Variants in AGTPBP1 observed in about 807,000 individuals in gnomAD.
AGTPBP1 encodes cytosolic carboxypeptidase 1.
In AGTPBP1, 70 loss-of-function variants were observed where a neutral mutation model predicts 143.9. That is an observed-to-expected ratio of 0.49 (90% CI 0.40 to 0.59). The LOEUF is 0.59. Ranked by LOEUF, AGTPBP1 falls within the 20% of genes least tolerant of loss-of-function variation. The pLI, the probability that AGTPBP1 is intolerant of heterozygous loss-of-function variation, is 0.00. For missense variants in AGTPBP1, 1,229 were observed against 1,464.5 expected (o/e 0.84, Z 2.62); for synonymous variants, 463 against 500.2 (o/e 0.93, Z 0.99).
intron 4 of AGTPBP1, among the ~76,000 whole-genome samples, chr9:85,679,769 G>C (rs1442660901): frequency 6.6e-6 from 1 of 151,988 alleles, no homozygotes; most frequent in African/African-American, 2.4e-5. Flanking sequence ...CTTTTCCTCA[G>C]TTTTCCAAGT....
chr9:85,804,853 G>A, the AGTPBP1 span, among the ~76,000 whole-genome samples: 2 of 152,294 alleles, frequency 1.3e-5, no homozygotes, highest in Admixed American at 1.3e-4. Context: ...TTGACTTGCA[G>A]GACCATCCCT....
At chr9:85,620,161 G>A (rs1389039725) in intron 15 of AGTPBP1, among the ~76,000 whole-genome samples, 1 of 151,574 alleles carries the variant, frequency 6.6e-6, no homozygotes, top group Non-Finnish European at 1.5e-5. Context: ...TTGTAATCCC[G>A]GTACTTTGAG....
At chr9:85,763,890 T>C in the AGTPBP1 span, among the ~76,000 whole-genome samples, 417 of 152,294 alleles carry the variant, frequency 2.7e-3, no homozygotes, top group African/African-American at 9.7e-3. Flanking sequence ...TATATACAAA[T>C]AATTACTGTG....
At chr9:85,638,092 C>T (rs1175620630) in intron 13 of AGTPBP1, among the ~76,000 whole-genome samples, 7 of 150,660 alleles carry the variant, frequency 4.6e-5, no homozygotes, top group Non-Finnish European at 7.4e-5. Context: ...ACCCACTTGA[C>T]GTTACTGCTT....
rs146598781 is a variant in AGTPBP1, at chr9:85,657,439, G to A, written c.905C>T (p.Ser302Leu). 1.1e-5 allele frequency: 18 copies of A among 1,606,330 alleles called. No individual in the cohort carries two copies. The highest frequency in any genetic ancestry group is 1.4e-5 in the Non-Finnish European group (16 of 1,176,122). ...ANGMKILYNT[S>L]QECLAVRTLD... ...AATAAGAAGAAAATAACTCACTTGCGAAGTATTATACAGAATTTTCATCCC... is the reference window on the plus strand; with the variant it reads ...AATAAGAAGAAAATAACTCACTTGCAAAGTATTATACAGAATTTTCATCCC... The change falls in exon 10 of 26, where the codon TCG becomes TTG. Residue 302 changes from serine (S) to leucine (L), a missense_variant. Ser to Leu is a moderately radical substitution (Grantham distance 145). Coordinates refer to ENST00000357081, the MANE Select transcript of AGTPBP1 (RefSeq NM_001330701.2).
chr9:85,703,456 C>T (rs1428707757), intron 2 of AGTPBP1, among the ~76,000 whole-genome samples: 1 of 152,188 alleles, frequency 6.6e-6, no homozygotes, highest in Non-Finnish European at 1.5e-5. Flanking sequence ...TGGAGAAATA[C>T]ACAGACAAGT....
At chr9:85,769,387 G>T in the AGTPBP1 span, among the ~76,000 whole-genome samples, 2 of 151,910 alleles carry the variant, frequency 1.3e-5, no homozygotes, top group East Asian at 3.9e-4. Context: ...TATTTGGATA[G>T]TTCAAAGAAC....
At chr9:85,671,351 C>T (rs1464040667) in intron 7 of AGTPBP1, among the ~76,000 whole-genome samples, 1 of 152,008 alleles carries the variant, frequency 6.6e-6, no homozygotes, top group Non-Finnish European at 1.5e-5. Flanking sequence ...CTTGACTTTA[C>T]TGGTGTTTAT....
intron 2 of AGTPBP1, among the ~76,000 whole-genome samples, chr9:85,699,581 G>GT (rs1234544976): frequency 6.9e-6 from 1 of 145,742 alleles, no homozygotes; most frequent in African/African-American, 2.6e-5. Context: ...CATAAATACG[G>GT]TAAAAAAAAA....
chr9:85,753,700 C>T, the AGTPBP1 span, among the ~76,000 whole-genome samples: 4 of 150,792 alleles, frequency 2.7e-5, no homozygotes, highest in South Asian at 2.1e-4. Flanking sequence ...TGCAGTGAGC[C>T]GAGACCATGC....
At chr9:85,768,556 A>G in the AGTPBP1 span, among the ~76,000 whole-genome samples, 2 of 152,228 alleles carry the variant, frequency 1.3e-5, no homozygotes, top group Non-Finnish European at 2.9e-5. Flanking sequence ...TCTATATTGG[A>G]TAATTCACTT....
the AGTPBP1 span, among the ~76,000 whole-genome samples, chr9:85,778,485 G>A: frequency 2.0e-5 from 3 of 152,210 alleles, no homozygotes; most frequent in Non-Finnish European, 2.9e-5. Flanking sequence ...TGGATCTGCT[G>A]GGTCATATGG....
chr9:85,688,096 T>TAAAAAAAA (rs58523894), intron 3 of AGTPBP1, among the ~76,000 whole-genome samples: 21 of 34,572 alleles, frequency 6.1e-4, no homozygotes, highest in African/African-American at 8.5e-4. Flanking sequence ...GTCTCAAAAT[T>TAAAAAAAA]AAAAAAAAAA....
chr9:85,592,585 T>G lies in AGTPBP1; in HGVS notation c.2543A>C (p.Tyr848Ser). 3 of 1,610,074 alleles carry G rather than the reference T, an allele frequency of 1.9e-6. No homozygotes were observed. Among genetic ancestry groups the G allele is most frequent in the Non-Finnish European group, 2.5e-6 (3 of 1,178,228 alleles). ...KDDVCYFAYH[Y>S]PYTYSTLQMH... ...CTGTAAAGTTGAATACGTATATGGA[T>G]AGTGATAAGCAAAGTAGCAAACATC... is the stretch of plus-strand genomic sequence containing the variant. The change falls in exon 19 of 26, where the codon TAT becomes TCT. Residue 848 changes from tyrosine to serine, a missense_variant. By Grantham distance (144) the Tyr-to-Ser change is moderately radical. Around this residue, in one of 2 missense-constraint regions of AGTPBP1, gnomAD observed 486 missense variants for 652.3 expected, o/e 0.75. Transcript: ENST00000357081.
intron 14 of AGTPBP1, among the ~76,000 whole-genome samples, chr9:85,628,365 GC>G (rs1226554250): frequency 1.3e-5 from 2 of 152,164 alleles, no homozygotes; most frequent in East Asian, 3.8e-4. Context: ...GGAAAATGGA[GC>G]GACAAATATG....
chr9:85,574,732 A>G (rs1587660853), intron 25 of AGTPBP1, among the ~76,000 whole-genome samples: 1 of 149,470 alleles, frequency 6.7e-6, no homozygotes, highest in African/African-American at 2.5e-5. Context: ...TTTTGGAGAT[A>G]GAGTCTCCCT....
intron 1 of AGTPBP1, among the ~76,000 whole-genome samples, chr9:85,728,416 T>C (rs1838663155): frequency 6.6e-6 from 1 of 152,030 alleles, no homozygotes; most frequent in Non-Finnish European, 1.5e-5. Flanking sequence ...CGAGATGAGA[T>C]TTACTGATCT....
chr9:85,800,373 G>C, the AGTPBP1 span, among the ~76,000 whole-genome samples: 7 of 152,290 alleles, frequency 4.6e-5, no homozygotes, highest in Admixed American at 3.3e-4. Context: ...AGGGTGCTGT[G>C]ACATGGATAG....
intron 14 of AGTPBP1, among the ~76,000 whole-genome samples, chr9:85,628,293 G>T (rs1428757422): frequency 2.0e-5 from 3 of 152,058 alleles, no homozygotes; most frequent in South Asian, 4.1e-4. Context: ...GTGAAATATG[G>T]TTATACTCTC....
Sources: gnomAD v4.1 joint callset for allele counts (sites outside exome capture counted in the v4.1 genomes callset) on GRCh38, gnomAD v4.1.1 for gene constraint, gnomAD v4.1.1 regional missense constraint, MANE v1.5 for transcripts, NCBI Gene and HGNC (gene_info 2026-07-23, HGNC 2026-07-21) for gene names.